Variants in SLC24A4 observed in about 807,000 individuals in gnomAD.
SLC24A4 encodes solute carrier family 24 member 4.
SLC24A4 carries 53 observed loss-of-function variants against 79.0 expected under a neutral mutation model. The ratio of observed to expected loss-of-function variants is 0.67; its 90% confidence interval spans 0.54 to 0.84. The LOEUF is 0.84. SLC24A4 is among the 40% of genes least tolerant of loss of function. The probability of loss-of-function intolerance (pLI) is 0.00; values close to 1 mark genes in which losing one functional copy is unlikely to be tolerated. For synonymous variants in SLC24A4, 323 were observed against 323.8 expected, an observed-to-expected ratio of 1.00 and a Z score of 0.03; for missense variants, 731 against 822.0, an observed-to-expected ratio of 0.89 and a Z score of 1.35.
At chr14:92,399,162 G>A (rs1889948556) in intron 2 of SLC24A4, among the ~76,000 whole-genome samples, 1 of 152,134 alleles carries the variant, frequency 6.6e-6, no homozygotes, top group Non-Finnish European at 1.5e-5. Context: ...AGGATATAGA[G>A]TTCTCTGGAC....
At chr14:92,434,636 CA>C (rs1356107865) in intron 3 of SLC24A4, among the ~76,000 whole-genome samples, 2 of 152,210 alleles carry the variant, frequency 1.3e-5, no homozygotes, top group African/African-American at 4.8e-5. Flanking sequence ...CAATACTTCA[CA>C]GGGTACTGTG....
At chr14:92,343,363 CAAAG>C (rs754783197) in intron 2 of SLC24A4, among the ~76,000 whole-genome samples, 1 of 152,172 alleles carries the variant, frequency 6.6e-6, no homozygotes, top group Non-Finnish European at 1.5e-5. Context: ...AGCTGGCAGA[CAAAG>C]GAAGAAGCAG....
At chr14:92,418,866 T>G (rs1054159107) in intron 2 of SLC24A4, among the ~76,000 whole-genome samples, 2 of 152,172 alleles carry the variant, frequency 1.3e-5, no homozygotes, top group Non-Finnish European at 2.9e-5. Flanking sequence ...CACGCCTGGC[T>G]AATTTTTGTA....
chr14:92,455,667 GT>G (rs1238730128), intron 11 of SLC24A4, among the ~76,000 whole-genome samples: 1 of 152,116 alleles, frequency 6.6e-6, no homozygotes, highest in African/African-American at 2.4e-5. Flanking sequence ...GGCTGGAAAT[GT>G]TATACATCTT....
chr14:92,384,101 G>C (rs1459208575), intron 2 of SLC24A4, among the ~76,000 whole-genome samples: 7 of 152,178 alleles, frequency 4.6e-5, no homozygotes, highest in African/African-American at 1.7e-4. Context: ...ATTTCTGTCT[G>C]CCTTGCCTGG....
intron 12 of SLC24A4, among the ~76,000 whole-genome samples, chr14:92,460,261 T>C (rs1029480079): frequency 2.6e-5 from 4 of 152,138 alleles, no homozygotes; most frequent in African/African-American, 9.6e-5. Context: ...TTCCTAAACC[T>C]CCATTCCTCA....
At chr14:92,461,603 C>T (rs952498107) in intron 12 of SLC24A4, among the ~76,000 whole-genome samples, 1 of 152,044 alleles carries the variant, frequency 6.6e-6, no homozygotes, top group Non-Finnish European at 1.5e-5. Context: ...TCTTCTGAGG[C>T]CACTATTGAA....
chr14:92,387,467 A>G (rs949292488), intron 2 of SLC24A4, among the ~76,000 whole-genome samples: 3 of 152,194 alleles, frequency 2.0e-5, no homozygotes, highest in African/African-American at 4.8e-5. Flanking sequence ...ATGAGCCACC[A>G]TGCCCGGCCA....
rs199631290 is a variant in SLC24A4, at chr14:92,493,482, G to C, written c.1723G>C (p.Gly575Arg). The C allele has an allele frequency of 1.1e-5, 18 of 1,613,974 alleles. No individual in the cohort carries two copies. The highest frequency in any genetic ancestry group is 1.5e-5 in the Non-Finnish European group (18 of 1,180,022). Reference protein sequence around the residue: ...LLGSVALTVLGIHLNKWRLDR... With the variant: ...LLGSVALTVLRIHLNKWRLDR... ...CCACACTCTGTCCTCCCAGGTCCTCGGCATCCACCTAAACAAGTGGCGACT... is the reference window on the plus strand; with the variant it reads ...CCACACTCTGTCCTCCCAGGTCCTCCGCATCCACCTAAACAAGTGGCGACT... Residue 575 changes from glycine (G) to arginine (R), a missense_variant, in exon 17 of 17, where the codon GGC (glycine) becomes CGC (arginine). Coordinates refer to ENST00000532405, the MANE Select transcript of SLC24A4 (RefSeq NM_153646.4).
intron 14 of SLC24A4, among the ~76,000 whole-genome samples, chr14:92,487,307 A>C (rs1054073337): frequency 2.0e-5 from 3 of 152,232 alleles, no homozygotes; most frequent in Admixed American, 6.5e-5. Context: ...AGCTGTAACA[A>C]GTGCAGGTTT....
intron 2 of SLC24A4, among the ~76,000 whole-genome samples, chr14:92,410,107 T>C (rs1159268119): frequency 2.0e-5 from 3 of 152,064 alleles, no homozygotes; most frequent in African/African-American, 7.2e-5. Context: ...GGTGATGAAA[T>C]AGTCTGTACA....
At chr14:92,336,208 T>G (rs1885792517) in intron 2 of SLC24A4, among the ~76,000 whole-genome samples, 1 of 151,944 alleles carries the variant, frequency 6.6e-6, no homozygotes, top group Admixed American at 6.6e-5. Flanking sequence ...TGCCATTTGT[T>G]GCCTTGGGTG....
At chr14:92,434,027 A>G in intron 3 of SLC24A4, 39 bp downstream of exon 3, 1 of 1,514,518 alleles carries the variant, frequency 6.6e-7, no homozygotes, top group Non-Finnish European at 9.2e-7. Context: ...AACTTCTGGC[A>G]CATGAAGCCT....
At chr14:92,463,398 T>G (rs1444083012) in intron 12 of SLC24A4, among the ~76,000 whole-genome samples, 9 of 152,224 alleles carry the variant, frequency 5.9e-5, no homozygotes, top group Non-Finnish European at 1.2e-4. Flanking sequence ...TGGGCTCATT[T>G]ACATGTGCAG....
At position 92,493,952 on chromosome 14, in the gene SLC24A4, A is replaced by C; in HGVS notation, c.*324A>C. 3.6e-6 allele frequency: 1 copy of C among 278,802 alleles called. No individual in the cohort carries two copies. Among genetic ancestry groups the C allele is most frequent in the African/African-American group, 2.2e-5 (1 of 46,368 alleles). The allele number at this position is 278,802 out of a possible 1,614,324, so 17.3% of individuals were successfully genotyped here. A position where few individuals can be genotyped will look rare whatever the true frequency, so the allele number is the denominator to read the frequency against. The stretch of plus-strand genomic sequence containing the variant: ...ACACTTTAGTCAGAAGGACTTCTGC[A>C]TGCAGTTTGTCTTTCTGTTCTGCAG... On this transcript the variant is annotated 3_prime_UTR_variant, in exon 17 of 17. Transcript: ENST00000532405.
intron 2 of SLC24A4, among the ~76,000 whole-genome samples, chr14:92,374,101 A>G (rs541666113): frequency 3.3e-5 from 5 of 152,354 alleles, no homozygotes; most frequent in East Asian, 3.9e-4. Context: ...GCCAAAATGC[A>G]GAGAACCCCA....
At chr14:92,367,809 G>A (rs928064874) in intron 2 of SLC24A4, among the ~76,000 whole-genome samples, 1 of 152,168 alleles carries the variant, frequency 6.6e-6, no homozygotes, top group Admixed American at 6.5e-5. Context: ...AAACAGAGGA[G>A]GCGACATCAC....
intron 2 of SLC24A4, among the ~76,000 whole-genome samples, chr14:92,375,036 G>A (rs373527027): frequency 2.8e-4 from 43 of 152,278 alleles, no homozygotes; most frequent in Middle Eastern, 3.4e-3. Context: ...TCTTCACTCC[G>A]GAACTTCTGA....
At chr14:92,406,071 A>C (rs574778569) in intron 2 of SLC24A4, among the ~76,000 whole-genome samples, 1 of 152,358 alleles carries the variant, frequency 6.6e-6, no homozygotes, top group East Asian at 1.9e-4. Flanking sequence ...AAATGTTCCC[A>C]TTCCAAAAGG....
Sources: allele counts gnomAD v4.1 joint callset (sites outside exome capture counted in the v4.1 genomes callset), GRCh38; gene constraint gnomAD v4.1.1; transcripts MANE v1.5; gene names NCBI Gene and HGNC (gene_info 2026-07-23, HGNC 2026-07-21).